The following FRRS1 variants were observed in gnomAD, a reference collection of about 807,000 sequenced individuals.
FRRS1 encodes the protein ferric reductase 1.
FRRS1 carries 51 observed loss-of-function variants against 70.7 expected under a neutral mutation model. The ratio of observed to expected loss-of-function variants is 0.72; its 90% CI spans 0.58 to 0.91. The LOEUF (loss-of-function observed/expected upper bound fraction) is 0.91. Ranked by LOEUF, FRRS1 falls within the 40% of genes least tolerant of loss-of-function variation. FRRS1 has a pLI of 0.00. For missense variants in FRRS1, 672 were observed against 726.0 expected, an observed-to-expected ratio of 0.93 and a Z score of 0.86; for synonymous variants, 225 against 238.7, an observed-to-expected ratio of 0.94 and a Z score of 0.53.
chr1:99,738,024 AGCCACCAT>A (rs1655761532), intron 7 of FRRS1, 54 bp downstream of exon 7: 7 of 1,358,978 alleles, frequency 5.2e-6, no homozygotes, highest in Non-Finnish European at 6.1e-6. Flanking sequence ...TACAGGCATG[AGCCACCAT>A]GCCTAGCCGT....
At position 99,706,676 on chromosome 1, in the gene FRRS1, T is replaced by C. The variant is rs1399883823; in HGVS notation, c.*2352A>G. ...TGGGAGGCTGAGGCGGGTGGATTACTTTAGACCAGGAGTTTGGGACCAGCC... is the reference window on the plus strand; with the variant it reads ...TGGGAGGCTGAGGCGGGTGGATTACCTTAGACCAGGAGTTTGGGACCAGCC... On this transcript the variant is annotated 3_prime_UTR_variant, in exon 17 of 17. Coordinates refer to ENST00000646001, the MANE Select transcript of FRRS1 (RefSeq NM_001361041.2). Among the ~76,000 whole-genome samples, 1 of 152,088 alleles carries C rather than the reference T, an allele frequency of 6.6e-6. No homozygotes were observed. Among genetic ancestry groups the C allele is most frequent in the African/African-American group, 2.4e-5 (1 of 41,412 alleles).
rs1654099451 is a variant in FRRS1, at chr1:99,708,466, C to T, written c.*562G>A. Among the ~76,000 whole-genome samples the T allele has an allele frequency of 6.7e-6, 1 of 150,136 alleles. No individual in the cohort carries two copies. The highest frequency in any genetic ancestry group is 6.6e-5 in the Admixed American group (1 of 15,088). On this transcript the variant is annotated 3_prime_UTR_variant, in exon 17 of 17. Coordinates refer to ENST00000646001, the MANE Select transcript of FRRS1 (RefSeq NM_001361041.2). The stretch of plus-strand genomic sequence containing the variant: ...AAAAAAAATTAGCCCGGCATGGTGG[C>T]GGGCACCTGTAGTCCCAGCTACTCA...
At chr1:99,734,602 A>C (rs964060930) in intron 7 of FRRS1, among the ~76,000 whole-genome samples, 2 of 152,200 alleles carry the variant, frequency 1.3e-5, no homozygotes, top group Admixed American at 1.3e-4. Context: ...AGATGGATGA[A>C]AGGAAGGAAT....
chr1:99,705,704 C>T lies in FRRS1; in HGVS notation c.*3324G>A, dbSNP rs1296605807. ...TGATTCATTTACTTGATAACCCATA[C>T]TATAGACTACCTTTGCCCTTAAGAT... On this transcript the variant is annotated 3_prime_UTR_variant, in exon 17 of 17. Transcript: ENST00000646001. Among the ~76,000 whole-genome samples, 2 of 152,204 alleles carry T rather than the reference C, an allele frequency of 1.3e-5. No homozygotes were observed. The highest frequency in any genetic ancestry group is 2.9e-5 in the Non-Finnish European group (2 of 68,036).
intron 8 of FRRS1, among the ~76,000 whole-genome samples, chr1:99,729,167 T>G (rs1484300949): frequency 2.6e-5 from 4 of 152,178 alleles, no homozygotes; most frequent in African/African-American, 9.7e-5. Context: ...GCTTGTCAAC[T>G]GTCCTGCAAA....
At chr1:99,740,772 G>A (rs773876450) in intron 6 of FRRS1, 21 bp downstream of exon 6, 31 of 1,566,452 alleles carry the variant, frequency 2.0e-5, no homozygotes, top group Non-Finnish European at 2.5e-5. Flanking sequence ...TCTCTACAGA[G>A]AAAATAAAAT....
chr1:99,748,431 G>T (rs1296581598), intron 3 of FRRS1, 142 bp downstream of exon 3: 6 of 700,846 alleles, frequency 8.6e-6, no homozygotes, highest in Non-Finnish European at 1.4e-5. Flanking sequence ...CAGTCATCTG[G>T]AACCAAAAAT....
At chr1:99,716,332 G>A (rs1274971151) in intron 11 of FRRS1, among the ~76,000 whole-genome samples, 1 of 152,180 alleles carries the variant, frequency 6.6e-6, no homozygotes, top group Non-Finnish European at 1.5e-5. Flanking sequence ...ATAAAACTAT[G>A]ACATGTATGT....
chr1:99,740,827 G>C lies in FRRS1; in HGVS notation c.542C>G (p.Pro181Arg). 1 of 1,612,282 alleles carries C rather than the reference G, an allele frequency of 6.2e-7. No individual in the cohort carries two copies. The highest frequency in any genetic ancestry group is 8.5e-7 in the Non-Finnish European group (1 of 1,178,364). Residue 181 changes from proline (P) to arginine (R), a missense_variant, in exon 6 of 17, where the codon CCA becomes CGA. Physicochemically the swap from Pro to Arg is moderately radical, Grantham distance 103. Coordinates refer to ENST00000646001, the MANE Select transcript of FRRS1 (RefSeq NM_001361041.2). ...TTPKATVVPL[P>R]TLPPVSHLTK... ...TAAGTGGGAAACGGGAGGTAACGTT[G>C]GCAAAGGTACTACTGTAGCTTTAGG...
At chr1:99,709,373 C>A in intron 15 of FRRS1, 114 bp from the exon 16 acceptor site, 1 of 694,928 alleles carries the variant, frequency 1.4e-6, no homozygotes. Context: ...GAAATTCTCC[C>A]ACTCCAAACT....
At chr1:99,758,865 T>C (rs1435981661) in intron 1 of FRRS1, among the ~76,000 whole-genome samples, 5 of 152,150 alleles carry the variant, frequency 3.3e-5, no homozygotes, top group Non-Finnish European at 7.3e-5. Flanking sequence ...GGCCTATAAA[T>C]GGCCGCTCTG....
In FRRS1 at chr1:99,707,703, AG is replaced by A. The variant is rs1372391953; in HGVS notation, c.*1324del. Among the ~76,000 whole-genome samples, 3 of 152,256 alleles carry A rather than the reference AG, an allele frequency of 2.0e-5. No homozygotes were observed. The highest frequency in any genetic ancestry group is 6.5e-5 in the Admixed American group (1 of 15,282). On this transcript the variant is annotated 3_prime_UTR_variant, in exon 17 of 17. Transcript: ENST00000646001. ...TAGAAAGGAATCAGCACAAGGAAACAGGAACAAAGCAGTGCAGTACTTCGGT... is the reference window on the plus strand; with the variant it reads ...TAGAAAGGAATCAGCACAAGGAAACAGAACAAAGCAGTGCAGTACTTCGGT...
intron 10 of FRRS1, among the ~76,000 whole-genome samples, chr1:99,718,532 T>G (rs982032488): frequency 6.6e-6 from 1 of 152,200 alleles, no homozygotes; most frequent in African/African-American, 2.4e-5. Flanking sequence ...TTTCGCCATG[T>G]TGGCCAGGCT....
At chr1:99,727,987 G>T (rs1428441562) in intron 9 of FRRS1, among the ~76,000 whole-genome samples, 1 of 152,220 alleles carries the variant, frequency 6.6e-6, no homozygotes, top group East Asian at 1.9e-4. Flanking sequence ...TCTCCCCTCA[G>T]TGGGAGGTCT....
At chr1:99,713,158 C>T (rs906558383) in intron 12 of FRRS1, among the ~76,000 whole-genome samples, 3 of 152,168 alleles carry the variant, frequency 2.0e-5, no homozygotes, top group Admixed American at 6.5e-5. Context: ...AACCACAATG[C>T]TCACAGAAAG....
rs557240824 is a variant in FRRS1, at chr1:99,707,939, A to G, written c.*1089T>C. ...AGATATGTTCACAAGGGTTTTATCA[A>G]TTTTGAAATCCAAGTGTATAATCCC... On this transcript the variant is annotated 3_prime_UTR_variant, in exon 17 of 17. Transcript: ENST00000646001. Among the ~76,000 whole-genome samples the G allele has an allele frequency of 2.0e-5, 3 of 152,358 alleles. No individual in the cohort carries two copies. The highest frequency in any genetic ancestry group is 2.1e-4 in the South Asian group (1 of 4,830).
At chr1:99,737,032 C>T (rs4623722) in intron 7 of FRRS1, among the ~76,000 whole-genome samples, 74,967 of 151,740 alleles carry the variant, frequency 0.49, 22,526 homozygotes, top group African/African-American at 0.85. Flanking sequence ...AGAAGAAAAC[C>T]CTCAAGACAA....
At chr1:99,724,190 T>C (rs1288473420) in intron 9 of FRRS1, among the ~76,000 whole-genome samples, 1 of 152,242 alleles carries the variant, frequency 6.6e-6, no homozygotes, top group Non-Finnish European at 1.5e-5. Context: ...AGTTCCATTG[T>C]GTGGCTCCAT....
chr1:99,757,275 G>A (rs1656886002), intron 1 of FRRS1, among the ~76,000 whole-genome samples: 1 of 151,646 alleles, frequency 6.6e-6, no homozygotes, highest in Non-Finnish European at 1.5e-5. Context: ...ATTATTTTAC[G>A]ATCTACCAAT....
Sources: allele counts gnomAD v4.1 joint callset (sites outside exome capture counted in the v4.1 genomes callset), GRCh38; gene constraint gnomAD v4.1.1; transcripts MANE v1.5; gene names NCBI Gene and HGNC (gene_info 2026-07-23, HGNC 2026-07-21).